Variants in CNTN5 observed in about 807,000 individuals in gnomAD.
CNTN5 encodes contactin-5.
Under a neutral mutation model 129.1 loss-of-function variants are expected in CNTN5, and 77 were observed. The ratio of observed to expected loss-of-function variants is 0.60; its 90% CI spans 0.50 to 0.72. The LOEUF (loss-of-function observed/expected upper bound fraction) is 0.72. Ranked by LOEUF, CNTN5 falls within the 30% of genes least tolerant of loss-of-function variation. The pLI is 0.00. For missense variants in CNTN5, 1,478 were observed against 1,328.8 expected, an observed-to-expected ratio of 1.11 and a Z score of -1.75; for synonymous variants, 509 against 465.6, an observed-to-expected ratio of 1.09 and a Z score of -1.20.
intron 9 of CNTN5, among the ~76,000 whole-genome samples, chr11:100,053,734 G>T (rs1457851446): frequency 6.6e-6 from 1 of 151,716 alleles, no homozygotes; most frequent in African/African-American, 2.4e-5. Context: ...TTACCCCAAA[G>T]AATTAAAAAT....
At chr11:100,026,848 G>C (rs533513855) in intron 9 of CNTN5, among the ~76,000 whole-genome samples, 1 of 151,892 alleles carries the variant, frequency 6.6e-6, no homozygotes, top group African/African-American at 2.4e-5. Flanking sequence ...TCTTGACAGT[G>C]TCTTTTACGA....
chr11:100,142,277 T>G (rs1946718850), intron 13 of CNTN5, among the ~76,000 whole-genome samples: 1 of 152,200 alleles, frequency 6.6e-6, no homozygotes. Flanking sequence ...CATAAGCCAA[T>G]TCTCCTAATA....
chr11:100,121,145 G>C (rs1591279845), intron 13 of CNTN5, among the ~76,000 whole-genome samples: 1 of 152,024 alleles, frequency 6.6e-6, no homozygotes, highest in Non-Finnish European at 1.5e-5. Flanking sequence ...CCATCTGGAG[G>C]TTACAGAAAG....
intron 2 of CNTN5, among the ~76,000 whole-genome samples, chr11:99,427,954 C>T (rs962540755): frequency 2.6e-5 from 4 of 151,884 alleles, no homozygotes; most frequent in Non-Finnish European, 5.9e-5. Context: ...AACTTAATCA[C>T]GTAAAACTTT....
Position 99,400,730 on chromosome 11 carries a change from C to T in CNTN5, c.-71+75246C>T, listed in dbSNP as rs1488351548. Among the ~76,000 whole-genome samples, 4 of 152,152 alleles carry T rather than the reference C, an allele frequency of 2.6e-5. No homozygotes were observed. In the East Asian group the frequency reaches 7.7e-4, roughly 29 times the overall value. On this transcript the variant is annotated intron_variant, in intron 2 of 24. Transcript: ENST00000524871. ...AAGGGTTGCCTTTTCTCCACATCCT[C>T]ACCAGCATTTGTTACTGCCTGTCTT...
chr11:99,139,787 T>G (rs562493383), intron 1 of CNTN5, among the ~76,000 whole-genome samples: 1 of 152,294 alleles, frequency 6.6e-6, no homozygotes, highest in East Asian at 1.9e-4. Flanking sequence ...ATGAATGATC[T>G]TTTAAAATTA....
intron 1 of CNTN5, among the ~76,000 whole-genome samples, chr11:99,242,788 A>G (rs1271754947): frequency 6.6e-6 from 1 of 152,120 alleles, no homozygotes; most frequent in Non-Finnish European, 1.5e-5. Flanking sequence ...CTCCAGCTCC[A>G]TTCATGTTGC....
intron 8 of CNTN5, among the ~76,000 whole-genome samples, chr11:99,979,013 A>C (rs1357789827): frequency 1.3e-5 from 2 of 152,202 alleles, no homozygotes; most frequent in African/African-American, 2.4e-5. Flanking sequence ...CACTCTCTCT[A>C]AACTTTAGAT....
At chr11:100,347,527 C>T (rs2139030428) in intron 23 of CNTN5, among the ~76,000 whole-genome samples, 1 of 152,184 alleles carries the variant, frequency 6.6e-6, no homozygotes, top group Non-Finnish European at 1.5e-5. Flanking sequence ...TGGCTCATGT[C>T]ACATGCAGTA....
chr11:100,191,095 GAAAA>G (rs3031278), intron 13 of CNTN5, 27 bp from the exon 14 acceptor site: 1 of 1,420,464 alleles, frequency 7.0e-7, no homozygotes, highest in African/African-American at 1.5e-5. Flanking sequence ...CAGTAAAACA[GAAAA>G]AAAAACTGTT....
chr11:99,754,312 G>A (rs993546740), intron 3 of CNTN5, among the ~76,000 whole-genome samples: 1 of 152,132 alleles, frequency 6.6e-6, no homozygotes, highest in African/African-American at 2.4e-5. Flanking sequence ...TGTCTTAAAA[G>A]CTCCTTAGCT....
chr11:99,149,469 G>T (rs1396254648), intron 1 of CNTN5, among the ~76,000 whole-genome samples: 1 of 151,826 alleles, frequency 6.6e-6, no homozygotes, highest in Admixed American at 6.6e-5. Flanking sequence ...AAGAATAGAG[G>T]CTTATTATTT....
intron 13 of CNTN5, among the ~76,000 whole-genome samples, chr11:100,113,442 A>C (rs867778936): frequency 0.012 from 1,648 of 141,774 alleles, 11 homozygotes; most frequent in African/African-American, 0.042. Context: ...AAAAAAAAAA[A>C]AAAAAAAAAA....
At chr11:99,546,449 C>G (rs1003236928) in intron 2 of CNTN5, among the ~76,000 whole-genome samples, 1 of 152,074 alleles carries the variant, frequency 6.6e-6, no homozygotes, top group African/African-American at 2.4e-5. Flanking sequence ...TGAAGAATCA[C>G]AAGATCTATA....
At chr11:99,051,767 T>G (rs1034486250) in intron 1 of CNTN5, among the ~76,000 whole-genome samples, 5 of 151,926 alleles carry the variant, frequency 3.3e-5, no homozygotes, top group African/African-American at 1.2e-4. Context: ...TTCATCGAAG[T>G]GTACTAAGAA....
chr11:99,915,883 G>GTGGTA (rs1372867302), intron 6 of CNTN5, among the ~76,000 whole-genome samples, 171 bp from the exon 7 acceptor site: 1 of 152,110 alleles, frequency 6.6e-6, no homozygotes, highest in Admixed American at 6.6e-5. Flanking sequence ...TATTTCCATT[G>GTGGTA]TGGTATTTAA....
intron 9 of CNTN5, among the ~76,000 whole-genome samples, chr11:100,045,829 A>T (rs1942638201): frequency 6.6e-6 from 1 of 152,206 alleles, no homozygotes; most frequent in Admixed American, 6.5e-5. Flanking sequence ...AAGAAATTTA[A>T]ATGTTAAAAT....
At chr11:99,669,499 T>C (rs1448123093) in intron 3 of CNTN5, among the ~76,000 whole-genome samples, 4 of 151,992 alleles carry the variant, frequency 2.6e-5, no homozygotes, top group Non-Finnish European at 5.9e-5. Context: ...TATACACATA[T>C]ATTTTTATGC....
intron 3 of CNTN5, among the ~76,000 whole-genome samples, chr11:99,561,063 C>T (rs1409395105): frequency 1.3e-5 from 2 of 152,178 alleles, no homozygotes; most frequent in Non-Finnish European, 2.9e-5. Context: ...CCATTTTCTA[C>T]TCAAAGCAAC....
Sources: gnomAD v4.1 joint callset for allele counts (sites outside exome capture counted in the v4.1 genomes callset) on GRCh38, gnomAD v4.1.1 for gene constraint, MANE v1.5 for transcripts, NCBI Gene and HGNC (gene_info 2026-07-23, HGNC 2026-07-21) for gene names.